OR3A3: variants seen among roughly 807,000 people sequenced by gnomAD.
The protein encoded by OR3A3 is olfactory receptor 3A3.
For synonymous variants in OR3A3, 103 were observed against 163.9 expected (o/e 0.63, Z 2.84); for missense variants, 275 against 391.4 (o/e 0.70, Z 2.51).
intron 2 of OR3A3, among the ~76,000 whole-genome samples, chr17:3,419,966 G>A (rs146825202): frequency 0.12 from 18,007 of 151,774 alleles, 1,122 homozygotes; most frequent in African/African-American, 0.16. Flanking sequence ...ACGGGGTTTC[G>A]CTGTGTTAGC....
At chr17:3,414,718 G>A (rs895811698) in intron 2 of OR3A3, among the ~76,000 whole-genome samples, 2 of 152,216 alleles carry the variant, frequency 1.3e-5, no homozygotes, top group African/African-American at 4.8e-5. Flanking sequence ...CACCAGAAAT[G>A]GAATTTGGTT....
intron 2 of OR3A3, among the ~76,000 whole-genome samples, chr17:3,419,729 CTT>C (rs564569456): frequency 0.014 from 1,398 of 98,862 alleles, 8 homozygotes; most frequent in African/African-American, 0.037. Flanking sequence ...AAAATTCTAT[CTT>C]TTTTTTTTTT....
exon 3 of OR3A3, chr17:3,421,860 A>C: frequency 6.2e-6 from 1 of 160,576 alleles, no homozygotes; most frequent in Non-Finnish European, 1.4e-5. Context: ...ATGGTGATAC[A>C]CTCTATAGAA....
intron 2 of OR3A3, among the ~76,000 whole-genome samples, chr17:3,420,267 T>C (rs2072422107): frequency 6.6e-6 from 1 of 152,208 alleles, no homozygotes; most frequent in Admixed American, 6.5e-5. Context: ...CAAGAGCAAC[T>C]ATAATCTACT....
chr17:3,420,785 G>T, exon 3 of OR3A3: 2 of 1,310,206 alleles, frequency 1.5e-6, no homozygotes, highest in South Asian at 2.8e-5. Flanking sequence ...TTCTTCCTGG[G>T]GAACCTGTCA....
exon 3 of OR3A3, chr17:3,423,619 T>G (rs2072451118): frequency 6.6e-6 from 1 of 152,190 alleles, no homozygotes; most frequent in Non-Finnish European, 1.5e-5. Context: ...GCCAAAAACC[T>G]CATCAGAGTT....
chr17:3,421,627 T>A, exon 3 of OR3A3: 1 of 1,402,866 alleles, frequency 7.1e-7, no homozygotes, highest in Non-Finnish European at 9.6e-7. Flanking sequence ...TATTTCTATC[T>A]CCTGATGCCT....
chr17:3,415,561 C>CA (rs373566506), intron 2 of OR3A3, among the ~76,000 whole-genome samples: 55,039 of 110,362 alleles, frequency 0.5, 12,540 homozygotes, highest in Non-Finnish European at 0.59. Flanking sequence ...AACTCCAACT[C>CA]AAAAAAAAAA....
At chr17:3,413,583 G>A (rs1425496121) in intron 2 of OR3A3, among the ~76,000 whole-genome samples, 1 of 152,078 alleles carries the variant, frequency 6.6e-6, no homozygotes, top group Non-Finnish European at 1.5e-5. Flanking sequence ...GGGAGGCCGA[G>A]GTGGGCGGAT....
intron 2 of OR3A3, among the ~76,000 whole-genome samples, chr17:3,419,735 T>C (rs2072415206): frequency 7.9e-6 from 1 of 126,232 alleles, no homozygotes; most frequent in Non-Finnish European, 1.6e-5. Context: ...CTATCTTTTT[T>C]TTTTTTTTTT....
chr17:3,421,598 A>C, exon 3 of OR3A3: 1 of 1,505,236 alleles, frequency 6.6e-7, no homozygotes, highest in South Asian at 1.4e-5. Context: ...AGTAACCAAC[A>C]AACCTTGTTT....
rs185253414 is a variant in OR3A3 at position 3,415,467 on chromosome 17, A to C, written c.-7+3296A>C. Among the ~76,000 whole-genome samples the C allele has an allele frequency of 8.2e-3, 1,234 of 151,024 alleles. 16 individuals carry two copies. The highest frequency in any genetic ancestry group is 0.028 in the African/African-American group (1,144 of 41,264). ...TCCCAGCTACTCGGGAGGATGAGGC[A>C]GGAGAATTGCTTGAACCTGGGAGGT... On this transcript the variant is annotated intron_variant, in intron 2 of 2. Coordinates refer to ENST00000641141, the Ensembl canonical transcript of OR3A3.
chr17:3,423,980 G>T (rs562126926), exon 3 of OR3A3: 1 of 150,216 alleles, frequency 6.7e-6, no homozygotes, highest in East Asian at 1.9e-4. Context: ...AGAACTTGGT[G>T]TTTAATCCTC....
At chr17:3,423,150 G>C (rs1201307454) in exon 3 of OR3A3, 1 of 152,138 alleles carries the variant, frequency 6.6e-6, no homozygotes, top group Non-Finnish European at 1.5e-5. Context: ...ACCATGGTTG[G>C]GCTTGTGTCC....
intron 2 of OR3A3, among the ~76,000 whole-genome samples, chr17:3,415,558 A>T (rs1402014961): frequency 6.4e-4 from 75 of 117,220 alleles, no homozygotes; most frequent in African/African-American, 2.0e-3. Flanking sequence ...CGAAACTCCA[A>T]CTCAAAAAAA....
chr17:3,418,446 TAC>T (rs1243887977), intron 2 of OR3A3, among the ~76,000 whole-genome samples: 1 of 152,248 alleles, frequency 6.6e-6, no homozygotes, highest in Non-Finnish European at 1.5e-5. Flanking sequence ...TTCTTGCTTT[TAC>T]AGTCTCACCT....
At chr17:3,421,643 G>GA in exon 3 of OR3A3, 1 of 1,238,002 alleles carries the variant, frequency 8.1e-7, no homozygotes, top group Non-Finnish European at 1.1e-6. Context: ...TGCCTGAGGA[G>GA]TGGTGTTATG....
intron 2 of OR3A3, among the ~76,000 whole-genome samples, chr17:3,412,870 A>AACCTGT (rs1315514400): frequency 1.3e-5 from 2 of 152,164 alleles, no homozygotes; most frequent in Admixed American, 1.3e-4. Flanking sequence ...CCCTGCATTT[A>AACCTGT]ACCTGTACCT....
chr17:3,411,757 C>T (rs2072363473), intron 1 of OR3A3, among the ~76,000 whole-genome samples: 1 of 152,228 alleles, frequency 6.6e-6, no homozygotes, highest in Non-Finnish European at 1.5e-5. Context: ...TCCTGGGGGA[C>T]TTTGAGGACA....
Sources: allele counts gnomAD v4.1 joint callset (sites outside exome capture counted in the v4.1 genomes callset), GRCh38; gene constraint gnomAD v4.1.1; transcripts MANE v1.5; gene names NCBI Gene and HGNC (gene_info 2026-07-23, HGNC 2026-07-21).